Variants in PNPLA1 observed in about 807,000 individuals in gnomAD.
PNPLA1 encodes the protein patatin like domain 1, omega-hydroxyceramide transacylase.
In PNPLA1, 36 loss-of-function variants were observed where a neutral mutation model predicts 51.7. That is an observed-to-expected ratio of 0.70 (90% CI 0.53 to 0.92). The LOEUF is 0.92. Among genes scored for constraint, PNPLA1 ranks in the 40% least tolerant of loss-of-function variants. PNPLA1 has a pLI of 0.00. For missense variants in PNPLA1, 658 were observed against 682.5 expected, an observed-to-expected ratio of 0.96 and a Z score of 0.40; for synonymous variants, 293 against 280.1, an observed-to-expected ratio of 1.05 and a Z score of -0.46.
intron 6 of PNPLA1, among the ~76,000 whole-genome samples, chr6:36,305,714 G>T (rs1173276317): frequency 6.6e-6 from 1 of 150,846 alleles, no homozygotes; most frequent in African/African-American, 2.4e-5. Flanking sequence ...CTAACATGCT[G>T]CTTTCTGCGA....
At chr6:36,268,272 G>A (rs546628873), upstream of PNPLA1, among the ~76,000 whole-genome samples, 3 of 152,198 alleles carry the variant, frequency 2.0e-5, no homozygotes, top group Non-Finnish European at 1.5e-5. Flanking sequence ...AACCACAGAC[G>A]TGCCGTGTGC....
intron 7 of PNPLA1, among the ~76,000 whole-genome samples, chr6:36,307,129 G>T (rs2127355874): frequency 6.6e-6 from 1 of 152,206 alleles, no homozygotes; most frequent in South Asian, 2.1e-4. Flanking sequence ...GCAGTAGCTG[G>T]GTTTCTCCAT....
At chr6:36,290,178 A>G (rs1770631546) in intron 1 of PNPLA1, among the ~76,000 whole-genome samples, 1 of 152,250 alleles carries the variant, frequency 6.6e-6, no homozygotes, top group Non-Finnish European at 1.5e-5. Flanking sequence ...TTGCTACATG[A>G]CACTAACCAT....
chr6:36,286,615 G>A (rs73421626), intron 1 of PNPLA1, among the ~76,000 whole-genome samples: 440 of 152,162 alleles, frequency 2.9e-3, no homozygotes, highest in African/African-American at 1.0e-2. Context: ...GACTCTCTGA[G>A]TGGCTGAAAC....
chr6:36,268,073 C>T (rs150390245), upstream of PNPLA1, among the ~76,000 whole-genome samples: 331 of 152,258 alleles, frequency 2.2e-3, 3 homozygotes, highest in Middle Eastern at 0.017. Context: ...GAATGGGCCA[C>T]CATCCTCCTT....
chr6:36,265,292 G>C (rs893335243), upstream of PNPLA1, among the ~76,000 whole-genome samples: 5 of 152,064 alleles, frequency 3.3e-5, no homozygotes, highest in Non-Finnish European at 7.3e-5. Context: ...AATGAGCCGA[G>C]ATAGTGCCAT....
At chr6:36,286,511 A>T (rs926981397) in intron 1 of PNPLA1, among the ~76,000 whole-genome samples, 1 of 152,040 alleles carries the variant, frequency 6.6e-6, no homozygotes, top group Admixed American at 6.5e-5. Flanking sequence ...GCTACTCAGG[A>T]GGCTGAGGTG....
At chr6:36,259,990 T>TC (rs1769613535) in intron 1 of PNPLA1, among the ~76,000 whole-genome samples, 1 of 151,856 alleles carries the variant, frequency 6.6e-6, no homozygotes, top group East Asian at 1.9e-4. Context: ...AAGTTGAAAT[T>TC]TTTTTTTTAA....
intron 1 of PNPLA1, among the ~76,000 whole-genome samples, chr6:36,275,157 C>T (rs537343652): frequency 1.3e-5 from 2 of 152,296 alleles, no homozygotes; most frequent in African/African-American, 4.8e-5. Context: ...TGGCTCACTG[C>T]AGCCTCGAAC....
At chr6:36,295,812 A>G (rs909690226) in intron 5 of PNPLA1, among the ~76,000 whole-genome samples, 1 of 152,230 alleles carries the variant, frequency 6.6e-6, no homozygotes, top group Admixed American at 6.5e-5. Context: ...TTATTAATGT[A>G]GAATTGGATG....
intron 1 of PNPLA1, among the ~76,000 whole-genome samples, chr6:36,243,943 C>G (rs1769201960): frequency 6.6e-6 from 1 of 152,232 alleles, no homozygotes; most frequent in South Asian, 2.1e-4. Flanking sequence ...AATCTCCCAA[C>G]AGTCCAGGTG....
At chr6:36,261,938 A>G (rs1044148725) in intron 1 of PNPLA1, among the ~76,000 whole-genome samples, 6 of 152,186 alleles carry the variant, frequency 3.9e-5, no homozygotes, top group African/African-American at 1.4e-4. Flanking sequence ...TCTTTTAACC[A>G]GGGTAAACTC....
At chr6:36,275,004 C>G (rs1311172646) in intron 1 of PNPLA1, among the ~76,000 whole-genome samples, 1 of 152,126 alleles carries the variant, frequency 6.6e-6, no homozygotes, top group African/African-American at 2.4e-5. Context: ...TATTTTGCTT[C>G]GATGTCTTTT....
chr6:36,307,094 C>G (rs1771261411), intron 7 of PNPLA1, among the ~76,000 whole-genome samples: 1 of 152,144 alleles, frequency 6.6e-6, no homozygotes. Flanking sequence ...CCCCTCTCAT[C>G]CCTCCCTGCC....
chr6:36,270,248 T>A lies in PNPLA1; in HGVS notation c.-212T>A, dbSNP rs1041536133. The stretch of plus-strand genomic sequence containing the variant: ...CTCATTCTGGGGCCCCTTTCCAACC[T>A]TTGGAGTTGCCTCCTGGCGGAGCTT... On this transcript the variant is annotated 5_prime_UTR_variant, in exon 1 of 9. Coordinates refer to ENST00000636260, the MANE Select transcript of PNPLA1 (RefSeq NM_001374623.1). 6.6e-6 allele frequency among the ~76,000 whole-genome samples: 1 copy of A among 152,224 alleles called. No homozygotes were observed. The highest frequency in any genetic ancestry group is 2.4e-5 in the African/African-American group (1 of 41,458).
chr6:36,307,707 A>G lies in PNPLA1; in HGVS notation c.1590A>G (p.Lys530=). 6.2e-7 allele frequency: 1 copy of G among 1,613,956 alleles called. No homozygotes were observed. Among genetic ancestry groups the G allele is most frequent in the South Asian group, 1.1e-5 (1 of 91,080 alleles). Residue 530 remains lysine, a synonymous_variant, in exon 8 of 9, where the codon AAA becomes AAG. Coordinates refer to ENST00000636260, the MANE Select transcript of PNPLA1 (RefSeq NM_001374623.1). The part of the protein sequence containing the change: ...RHSGSKKPSS[K]VQSAPCPLNF... ...CGGGATCCAAAAAACCAAGCAGCAAAGTGCAGTGAGCATGTCTAATGTTCC... is the reference window on the plus strand; with the variant it reads ...CGGGATCCAAAAAACCAAGCAGCAAGGTGCAGTGAGCATGTCTAATGTTCC...
At chr6:36,300,161 T>TGTGTGTGTGTGTGTGTGTGTGTGTG (rs1770985926) in intron 5 of PNPLA1, among the ~76,000 whole-genome samples, 2 of 102,956 alleles carry the variant, frequency 1.9e-5, no homozygotes, top group Admixed American at 2.3e-4. Flanking sequence ...TTTCTTATTC[T>TGTGTGTGTGTGTGTGTGTGTGTGTG]TGTGTGTGTG....
chr6:36,267,288 G>C (rs1183843508), upstream of PNPLA1, among the ~76,000 whole-genome samples: 2 of 152,200 alleles, frequency 1.3e-5, no homozygotes, highest in African/African-American at 4.8e-5. Flanking sequence ...ACCTTCTCAA[G>C]AGTTTAGCAC....
At chr6:36,259,203 T>G (rs1320739208) in intron 1 of PNPLA1, among the ~76,000 whole-genome samples, 1 of 152,184 alleles carries the variant, frequency 6.6e-6, no homozygotes, top group Non-Finnish European at 1.5e-5. Context: ...GGATTTCTCA[T>G]GAAAAATCCA....
Sources: gnomAD v4.1 joint callset for allele counts (sites outside exome capture counted in the v4.1 genomes callset) on GRCh38, gnomAD v4.1.1 for gene constraint, MANE v1.5 for transcripts, NCBI Gene and HGNC (gene_info 2026-07-23, HGNC 2026-07-21) for gene names.